JAKMIP1: variants seen among roughly 807,000 people sequenced by gnomAD.
The protein encoded by JAKMIP1 is janus kinase and microtubule-interacting protein 1.
In JAKMIP1, 33 loss-of-function variants were observed where a neutral mutation model predicts 113.0. The observed-to-expected ratio is 0.29, with a 90% CI of 0.22 to 0.39. The LOEUF (loss-of-function observed/expected upper bound fraction) is 0.39. Among genes scored for constraint, JAKMIP1 ranks in the 10% least tolerant of loss-of-function variants. The pLI is 1.00. For missense variants in JAKMIP1, 813 were observed against 1,080.5 expected (o/e 0.75, Z 3.47); for synonymous variants, 480 against 459.9 (o/e 1.04, Z -0.56).
At chr4:6,107,116 T>A (rs554587955) in intron 2 of JAKMIP1, among the ~76,000 whole-genome samples, 50 of 152,314 alleles carry the variant, frequency 3.3e-4, no homozygotes, top group African/African-American at 1.0e-3. Flanking sequence ...AGGCGACCAG[T>A]CCATGTTCTG....
In JAKMIP1 at chr4:6,093,362, T is replaced by G. The variant is rs138370428; in HGVS notation, c.625-7733A>C. Among the ~76,000 whole-genome samples, 556 of 152,294 alleles carry G rather than the reference T, an allele frequency of 3.7e-3. 4 individuals are homozygous for G. Among genetic ancestry groups the G allele is most frequent in the Non-Finnish European group, 5.6e-3 (382 of 68,022 alleles). ...TCTCTATAACTCAGTAAATAAATAT[T>G]CAACTGAGGGGGAGCTCTCCTGCCC... On this transcript the variant is annotated intron_variant, in intron 3 of 20. Transcript: ENST00000409021. The surrounding 1 kb of genome is among the most constrained non-coding windows in gnomAD (Gnocchi z 4.6).
chr4:6,133,685 AT>A (rs1310995270), intron 1 of JAKMIP1, among the ~76,000 whole-genome samples: 4 of 152,178 alleles, frequency 2.6e-5, no homozygotes, highest in Admixed American at 6.5e-5. Flanking sequence ...CCCAACAACA[AT>A]GTGTCCTCCT....
In JAKMIP1 at chr4:6,179,506, C is replaced by T. The variant is rs1725777605; in HGVS notation, c.-148+20747G>A. On this transcript the variant is annotated intron_variant, in intron 1 of 20. Coordinates refer to ENST00000409021, the MANE Select transcript of JAKMIP1 (RefSeq NM_001099433.2). This position sits in a 1 kb window ranked among gnomAD's most constrained non-coding sequence, Gnocchi z 4.5. ...ACCCCCTACAGGCACCGTCAAGGGA[C>T]AACCCTACAAAGCCACAAACCCACA... 6.6e-6 allele frequency among the ~76,000 whole-genome samples: 1 copy of T among 152,320 alleles called. No homozygotes were observed. The highest frequency in any genetic ancestry group is 1.9e-4 in the East Asian group (1 of 5,186).
intron 1 of JAKMIP1, among the ~76,000 whole-genome samples, chr4:6,117,986 G>C (rs539652371): frequency 8.5e-5 from 13 of 152,306 alleles, no homozygotes; most frequent in African/African-American, 3.1e-4. Context: ...AATTTGTGTA[G>C]TTAACGCAAT....
At position 6,094,764 on chromosome 4, in the gene JAKMIP1, C is replaced by A. The variant is rs79716058; in HGVS notation, c.625-9135G>T. ...ATCCCAGCACTTTGGGAGGCAGAGG[C>A]AGGACATTTGCTTTAGCTCAGGAGT... On this transcript the variant is annotated intron_variant, in intron 3 of 20. Transcript: ENST00000409021. This position sits in a 1 kb window ranked among gnomAD's most constrained non-coding sequence, Gnocchi z 4.2. Among the ~76,000 whole-genome samples the A allele has an allele frequency of 1.3e-5, 2 of 152,136 alleles. No individual in the cohort carries two copies. The highest frequency in any genetic ancestry group is 2.9e-5 in the Non-Finnish European group (2 of 68,036).
chr4:6,082,513 T>TGTG (rs1378411866), intron 5 of JAKMIP1, among the ~76,000 whole-genome samples: 1 of 151,760 alleles, frequency 6.6e-6, no homozygotes, highest in African/African-American at 2.4e-5. Context: ...AAATGACATG[T>TGTG]GTCACTTTGA....
rs1414178376 is a variant in JAKMIP1, at chr4:6,158,490, A to G, written c.-148+41763T>C. Among the ~76,000 whole-genome samples, 1 of 152,144 alleles carries G rather than the reference A, an allele frequency of 6.6e-6. No homozygotes were observed. ...TGAGATGGAGAGCAAATTTTGGAGT[A>G]AAATAAAGGGCTGGGGCTTGGGTTT... On this transcript the variant is annotated intron_variant, in intron 1 of 20. Coordinates refer to ENST00000409021, the MANE Select transcript of JAKMIP1 (RefSeq NM_001099433.2). The surrounding 1 kb of genome is among the most constrained non-coding windows in gnomAD (Gnocchi z 5.3).
chr4:6,187,109 C>T lies in JAKMIP1; in HGVS notation c.-148+13144G>A, dbSNP rs142163168. 5.2e-3 allele frequency among the ~76,000 whole-genome samples: 785 copies of T among 152,312 alleles called. 3 individuals carry two copies. Among genetic ancestry groups the T allele is most frequent in the Non-Finnish European group, 8.4e-3 (572 of 68,034 alleles). ...CCTCTCAAAATGCTAGGATTTCAGGCATGAGCCACCATGCCCAGCCCACTT... is the reference window on the plus strand; with the variant it reads ...CCTCTCAAAATGCTAGGATTTCAGGTATGAGCCACCATGCCCAGCCCACTT... On this transcript the variant is annotated intron_variant, in intron 1 of 20. Transcript: ENST00000409021. This position sits in a 1 kb window ranked among gnomAD's most constrained non-coding sequence, Gnocchi z 4.2.
intron 1 of JAKMIP1, among the ~76,000 whole-genome samples, chr4:6,198,747 G>C (rs1269773791): frequency 1.3e-5 from 2 of 152,164 alleles, no homozygotes; most frequent in Non-Finnish European, 2.9e-5. Flanking sequence ...TGCTAGGAAA[G>C]GATTCTAATT....
At position 6,168,507 on chromosome 4, in the gene JAKMIP1, C is replaced by G. The variant is rs1410366655; in HGVS notation, c.-148+31746G>C. Among the ~76,000 whole-genome samples, 2 of 152,128 alleles carry G rather than the reference C, an allele frequency of 1.3e-5. No individual in the cohort carries two copies. The highest frequency in any genetic ancestry group is 2.9e-5 in the Non-Finnish European group (2 of 68,030). On this transcript the variant is annotated intron_variant, in intron 1 of 20. Transcript: ENST00000409021. This position sits in a 1 kb window ranked among gnomAD's most constrained non-coding sequence, Gnocchi z 4.6. ...CAACACCTGCTACGACATGAATGAA[C>G]CTGGAAAACATTCCACTAAATGAAG...
intron 19 of JAKMIP1, among the ~76,000 whole-genome samples, chr4:6,032,902 C>T (rs893055903): frequency 3.3e-5 from 5 of 152,080 alleles, no homozygotes; most frequent in African/African-American, 9.7e-5. Flanking sequence ...AGGAAGGCTT[C>T]GGCAGAGAAA....
chr4:6,170,178 C>T (rs560383875), intron 1 of JAKMIP1, among the ~76,000 whole-genome samples: 3 of 150,476 alleles, frequency 2.0e-5, no homozygotes, highest in African/African-American at 4.9e-5. Flanking sequence ...CTTCTCACCA[C>T]CTCCATCACC....
rs1047509306 is a variant in JAKMIP1 at position 6,059,279 on chromosome 4, G to A, written c.1644+1145C>T. On this transcript the variant is annotated intron_variant, in intron 11 of 20. Transcript: ENST00000409021. The surrounding 1 kb of genome is among the most constrained non-coding windows in gnomAD (Gnocchi z 4.8). ...CAGGCATGCATGCTGGTCGCTGGCCGTCCGCCTCCATGGGAACCTCAGTCT... is the reference window on the plus strand; with the variant it reads ...CAGGCATGCATGCTGGTCGCTGGCCATCCGCCTCCATGGGAACCTCAGTCT... Among the ~76,000 whole-genome samples the A allele has an allele frequency of 5.2e-4, 79 of 152,302 alleles. No individual in the cohort carries two copies. Among genetic ancestry groups the A allele is most frequent in the African/African-American group, 1.7e-3 (70 of 41,568 alleles).
At chr4:6,114,729 A>C (rs11930138) in intron 1 of JAKMIP1, among the ~76,000 whole-genome samples, 1 of 152,048 alleles carries the variant, frequency 6.6e-6, no homozygotes, top group Non-Finnish European at 1.5e-5. Flanking sequence ...ACAAGTATGA[A>C]CTCCATTCGC....
At chr4:6,115,826 T>C (rs560864234) in intron 1 of JAKMIP1, among the ~76,000 whole-genome samples, 1 of 152,208 alleles carries the variant, frequency 6.6e-6, no homozygotes, top group African/African-American at 2.4e-5. Flanking sequence ...CCCACCGGCC[T>C]CGCAGGCAGG....
In JAKMIP1 at chr4:6,183,398, G is replaced by A. The variant is rs1578494430; in HGVS notation, c.-148+16855C>T. ...GGAGGCCGAGGCAGGAGAGTCGCTT[G>A]AACCTGGGAGGCAGAGGTTACAGTG... On this transcript the variant is annotated intron_variant, in intron 1 of 20. Coordinates refer to ENST00000409021, the MANE Select transcript of JAKMIP1 (RefSeq NM_001099433.2). The surrounding 1 kb of genome is among the most constrained non-coding windows in gnomAD (Gnocchi z 5.3). Among the ~76,000 whole-genome samples the A allele has an allele frequency of 2.0e-5, 3 of 151,864 alleles. No individual in the cohort carries two copies. The South Asian group carries it at 6.2e-4, about 32-fold the overall frequency.
intron 1 of JAKMIP1, among the ~76,000 whole-genome samples, chr4:6,169,994 C>CTA (rs1560314161): frequency 1.1e-5 from 1 of 94,410 alleles, no homozygotes; most frequent in East Asian, 2.9e-4. Context: ...ACCACCACCA[C>CTA]CACCACCACC....
chr4:6,092,504 G>A (rs922627475), intron 3 of JAKMIP1, among the ~76,000 whole-genome samples: 1 of 152,320 alleles, frequency 6.6e-6, no homozygotes, highest in South Asian at 2.1e-4. Context: ...GCAGAGGTGG[G>A]TTTTAAGCCA....
At chr4:6,075,461 G>C (rs1405099431) in intron 8 of JAKMIP1, among the ~76,000 whole-genome samples, 8 of 152,146 alleles carry the variant, frequency 5.3e-5, no homozygotes, top group African/African-American at 1.7e-4. Context: ...GAACATGGGA[G>C]AAAACTTGGT....
Sources: gnomAD v4.1 joint callset for allele counts (sites outside exome capture counted in the v4.1 genomes callset) on GRCh38, gnomAD v4.1.1 for gene constraint, Gnocchi (gnomAD v3.1) non-coding constraint, MANE v1.5 for transcripts, NCBI Gene and HGNC (gene_info 2026-07-23, HGNC 2026-07-21) for gene names.